KDM3B: variants seen among roughly 807,000 people sequenced by gnomAD.
KDM3B encodes the protein lysine-specific demethylase 3B.
In KDM3B, 10 loss-of-function variants were observed where a neutral mutation model predicts 170.0. The ratio of observed to expected loss-of-function variants is 0.06; its 90% confidence interval spans 0.04 to 0.10. The LOEUF is 0.10. Ranked by LOEUF, KDM3B falls within the 10% of genes least tolerant of loss-of-function variation. The pLI, the probability that KDM3B is intolerant of heterozygous loss-of-function variation, is 1.00. For synonymous variants in KDM3B, 831 were observed against 834.8 expected (o/e 1.00, Z 0.08); for missense variants, 1,394 against 2,195.2 (o/e 0.64, Z 7.29).
In KDM3B at chr5:138,386,202, C is replaced by G. The variant is rs1488502373; in HGVS notation, c.961C>G (p.Arg321Gly). 2 of 1,613,998 alleles carry G rather than the reference C, an allele frequency of 1.2e-6. No homozygotes were observed. Among genetic ancestry groups the G allele is most frequent in the African/African-American group, 1.3e-5 (1 of 74,982 alleles). The change falls in exon 7 of 24, where the codon CGA (arginine) becomes GGA (glycine). Residue 321 changes from arginine (R) to glycine (G), a missense_variant. Arg to Gly is a moderately radical substitution (Grantham distance 125, BLOSUM62 -2). Around this residue, in one of 19 missense-constraint regions of KDM3B, gnomAD observed 205 missense variants for 227.6 expected, o/e 0.90. Coordinates refer to ENST00000314358, the MANE Select transcript of KDM3B (RefSeq NM_016604.4). ...SNGSDGGEAS[R>G]GPWKGGNASG... The stretch of plus-strand genomic sequence containing the variant: ...TGGGAGCGATGGAGGTGAGGCAAGC[C>G]GAGGGCCCTGGAAAGGAGGGAATGC...
At chr5:138,371,554 C>T (rs1473061911) in intron 1 of KDM3B, among the ~76,000 whole-genome samples, 1 of 151,940 alleles carries the variant, frequency 6.6e-6, no homozygotes, top group Non-Finnish European at 1.5e-5. Context: ...AAATACAGTG[C>T]CTACTTAAGT....
rs142904740 is a variant in KDM3B, at chr5:138,354,398, G to C, written c.192+1411G>C. ...AAAGATGGCTGGGATGGGAAAAGAA[G>C]TGTCCATTTCAGATTCATTCTACCA... On this transcript the variant is annotated intron_variant, in intron 1 of 23. Transcript: ENST00000314358. Among the ~76,000 whole-genome samples the C allele has an allele frequency of 4.3e-3, 656 of 152,316 alleles. 2 individuals carry two copies. Among genetic ancestry groups the C allele is most frequent in the African/African-American group, 0.015 (630 of 41,558 alleles).
chr5:138,422,612 C>T (rs1763300165), intron 15 of KDM3B, among the ~76,000 whole-genome samples: 1 of 152,078 alleles, frequency 6.6e-6, no homozygotes, highest in African/African-American at 2.4e-5. Flanking sequence ...CGCACTCCAG[C>T]CTGGGTGACA....
At chr5:138,357,731 A>AT (rs1181700505) in intron 1 of KDM3B, among the ~76,000 whole-genome samples, 1 of 150,766 alleles carries the variant, frequency 6.6e-6, no homozygotes, top group Non-Finnish European at 1.5e-5. Context: ...TTATTTATTT[A>AT]TTTTTTTTGA....
Position 138,391,300 on chromosome 5 carries a change from A to T in KDM3B, c.1668A>T (p.Ser556=). 1 of 1,614,176 alleles carries T rather than the reference A, an allele frequency of 6.2e-7. No homozygotes were observed. The highest frequency in any genetic ancestry group is 8.5e-7 in the Non-Finnish European group (1 of 1,180,042). ...CTGATGATTCTTCTAGTCGGGACTC[A>T]TTCAAACAAAGCCTTGAGAGCCTGA... ...SLADDSSSRD[S]FKQSLESLSS... Residue 556 remains serine, a synonymous_variant, in exon 8 of 24, where the codon TCA becomes TCT. Transcript: ENST00000314358. The surrounding 1 kb of genome is among the most constrained non-coding windows in gnomAD (Gnocchi z 5.0).
At chr5:138,374,668 A>G (rs1761953390) in intron 2 of KDM3B, among the ~76,000 whole-genome samples, 1 of 152,202 alleles carries the variant, frequency 6.6e-6, no homozygotes, top group Non-Finnish European at 1.5e-5. Flanking sequence ...TATTTATGAA[A>G]TGGTAATATG....
intron 11 of KDM3B, among the ~76,000 whole-genome samples, chr5:138,410,144 C>T (rs771420342): frequency 5.9e-5 from 9 of 152,108 alleles, no homozygotes; most frequent in Admixed American, 1.3e-4. Context: ...TAAGACGTCA[C>T]TTCTTCTAAA....
At chr5:138,363,584 T>C (rs1448675105) in intron 1 of KDM3B, among the ~76,000 whole-genome samples, 5 of 152,252 alleles carry the variant, frequency 3.3e-5, no homozygotes, top group Admixed American at 3.3e-4. Flanking sequence ...TCTCGCTCTG[T>C]CTCTCAGTCT....
intron 23 of KDM3B, among the ~76,000 whole-genome samples, chr5:138,432,672 G>T (rs1763564508): frequency 6.6e-6 from 1 of 151,666 alleles, no homozygotes. Context: ...CCGTCTCAAA[G>T]AAAAAAAAGA....
chr5:138,425,662 T>A lies in KDM3B; in HGVS notation c.4411+80T>A, dbSNP rs1249950296. The A allele has an allele frequency of 8.1e-6, 10 of 1,228,354 alleles. No individual in the cohort carries two copies. In the East Asian group the frequency reaches 1.6e-4, roughly 20 times the overall value. The allele number at this position is 1,228,354 out of a possible 1,614,324, so 76.1% of individuals were successfully genotyped here. ...TACGCCCAGCTCTGCCCTTGAATAA[T>A]AAATTATATTCTGGGGCATAATGGG... On this transcript the variant is annotated intron_variant, in intron 17 of 23. Coordinates refer to ENST00000314358, the MANE Select transcript of KDM3B (RefSeq NM_016604.4).
At chr5:138,395,034 G>C (rs1762514643) in intron 9 of KDM3B, among the ~76,000 whole-genome samples, 1 of 152,170 alleles carries the variant, frequency 6.6e-6, no homozygotes, top group Non-Finnish European at 1.5e-5. Flanking sequence ...AAAACAGGAA[G>C]AATGAGATTG....
Position 138,398,477 on chromosome 5 carries a change from T to C in KDM3B, c.3046+85T>C. On this transcript the variant is annotated intron_variant, in intron 10 of 23. Coordinates refer to ENST00000314358, the MANE Select transcript of KDM3B (RefSeq NM_016604.4). The stretch of plus-strand genomic sequence containing the variant: ...CACTTAACGGGAAGATTGGGGACAG[T>C]GGCAGATGGCATTTTCTGTGAATGA... 11 of 1,141,202 alleles carry C rather than the reference T, an allele frequency of 9.6e-6. No individual in the cohort carries two copies. The South Asian group carries it at 1.5e-4, about 16-fold the overall frequency. The allele number at this position is 1,141,202 out of a possible 1,614,324, so 70.7% of individuals were successfully genotyped here. A position where few individuals can be genotyped will look rare whatever the true frequency, so the allele number is the denominator to read the frequency against.
Position 138,425,460 on chromosome 5 carries a change from A to T in KDM3B, c.4289A>T (p.Lys1430Met). The stretch of plus-strand genomic sequence containing the variant: ...AAAAAGCTCAAGTCTGAGCTCTGGA[A>T]GCCAGAAGCCTTTAGCCAGGAATTT... Reference protein sequence around the residue: ...VHKKLKSELWKPEAFSQEFGD... With the variant: ...VHKKLKSELWMPEAFSQEFGD... The change falls in exon 17 of 24, where the codon AAG (lysine) becomes ATG (methionine). Residue 1430 changes from lysine (K) to methionine (M), a missense_variant. Lys to Met is a moderately conservative substitution (Grantham distance 95). Coordinates refer to ENST00000314358, the MANE Select transcript of KDM3B (RefSeq NM_016604.4). 3.1e-6 allele frequency: 5 copies of T among 1,614,176 alleles called. No homozygotes were observed. The highest frequency in any genetic ancestry group is 4.2e-6 in the Non-Finnish European group (5 of 1,180,016).
At chr5:138,417,786 CT>C in intron 13 of KDM3B, 176 bp downstream of exon 13, 1 of 589,722 alleles carries the variant, frequency 1.7e-6, no homozygotes, top group East Asian at 2.9e-5. Context: ...TTAATTACCC[CT>C]GATTGGTACA....
chr5:138,357,447 C>T (rs1055374211), intron 1 of KDM3B, among the ~76,000 whole-genome samples: 9 of 151,796 alleles, frequency 5.9e-5, no homozygotes, highest in South Asian at 2.1e-4. Context: ...ACTGCAGCTT[C>T]GACCTCCCTG....
At chr5:138,358,791 T>A (rs536949697) in intron 1 of KDM3B, among the ~76,000 whole-genome samples, 214 of 124,016 alleles carry the variant, frequency 1.7e-3, no homozygotes, top group African/African-American at 6.4e-3. Context: ...TTTTTATTTT[T>A]ATTTTTTTAT....
intron 4 of KDM3B, among the ~76,000 whole-genome samples, chr5:138,378,347 A>G (rs1762049480): frequency 6.6e-6 from 1 of 152,200 alleles, no homozygotes; most frequent in South Asian, 2.1e-4. Context: ...CTTAAGAACT[A>G]AAAACTTAAC....
intron 3 of KDM3B, among the ~76,000 whole-genome samples, chr5:138,376,356 C>T (rs1179352182): frequency 6.6e-6 from 1 of 152,132 alleles, no homozygotes; most frequent in Non-Finnish European, 1.5e-5. Context: ...TACACAGCCC[C>T]ACCCTACCTT....
At position 138,420,929 on chromosome 5, in the gene KDM3B, A is replaced by G. The variant is rs755674676; in HGVS notation, c.3939A>G (p.Ile1313Met). ...KLPQTPLDTGIPFPPVFSTSS... is the reference protein window; with the variant it reads ...KLPQTPLDTGMPFPPVFSTSS... Reference sequence around the variant, plus strand: ...CTCAAACCCCCTTGGACACAGGCATACCCTTTCCCCCGGTCTTCTCTACAT... The same window carrying G: ...CTCAAACCCCCTTGGACACAGGCATGCCCTTTCCCCCGGTCTTCTCTACAT... The change falls in exon 15 of 24, where the codon ATA becomes ATG. Residue 1313 changes from isoleucine to methionine, a missense_variant. By Grantham distance (10) the Ile-to-Met change is conservative. This residue lies in a region of KDM3B where 137 missense variants were observed against 166.9 expected (regional missense o/e 0.82). Transcript: ENST00000314358. 2 of 1,613,810 alleles carry G rather than the reference A, an allele frequency of 1.2e-6. No homozygotes were observed. Among genetic ancestry groups the G allele is most frequent in the Non-Finnish European group, 1.7e-6 (2 of 1,179,928 alleles).
Sources: allele counts gnomAD v4.1 joint callset (sites outside exome capture counted in the v4.1 genomes callset), GRCh38; gene constraint gnomAD v4.1.1; regional missense constraint gnomAD v4.1.1; non-coding constraint Gnocchi (gnomAD v3.1); transcripts MANE v1.5; gene names NCBI Gene and HGNC (gene_info 2026-07-23, HGNC 2026-07-21).